Variants in RASA3 observed in about 807,000 individuals in gnomAD.
RASA3 encodes the protein RAS p21 protein activator 3.
In RASA3, 73 loss-of-function variants were observed where a neutral mutation model predicts 110.0. The ratio of observed to expected loss-of-function variants is 0.66; its 90% CI spans 0.55 to 0.81. The LOEUF (loss-of-function observed/expected upper bound fraction) is 0.81. Ranked by LOEUF, RASA3 falls within the 30% of genes least tolerant of loss-of-function variation. The pLI, the probability that RASA3 is intolerant of heterozygous loss-of-function variation, is 0.00. For missense variants in RASA3, 976 were observed against 1,113.2 expected (o/e 0.88, Z 1.75); for synonymous variants, 500 against 451.4 (o/e 1.11, Z -1.37).
intron 1 of RASA3, among the ~76,000 whole-genome samples, chr13:114,080,339 G>T (rs911495077): frequency 1.3e-5 from 2 of 152,152 alleles, no homozygotes; most frequent in African/African-American, 4.8e-5. Flanking sequence ...AAGGAGGAGA[G>T]GGCTGTGCGG....
At chr13:114,107,932 C>T (rs1307470088) in intron 1 of RASA3, among the ~76,000 whole-genome samples, 4 of 152,108 alleles carry the variant, frequency 2.6e-5, no homozygotes, top group East Asian at 1.9e-4. Context: ...CCACTCTCCA[C>T]GGCCGCCTCA....
chr13:114,109,008 G>C (rs1042101406), intron 1 of RASA3, among the ~76,000 whole-genome samples: 1 of 152,150 alleles, frequency 6.6e-6, no homozygotes, highest in African/African-American at 2.4e-5. Flanking sequence ...TCACAGCAAG[G>C]CCTCTCCACT....
intron 14 of RASA3, 90 bp from the exon 15 acceptor site, chr13:114,013,338 G>T: frequency 1.1e-6 from 1 of 871,302 alleles, no homozygotes; most frequent in Non-Finnish European, 1.8e-6. Flanking sequence ...GGTCCGCAGG[G>T]AAGTCCAGCC....
chr13:114,056,498 G>A lies in RASA3; in HGVS notation c.174-4343C>T, dbSNP rs1324122435. The A allele has an allele frequency of 1.0e-6, 1 of 985,220 alleles. No homozygotes were observed. The highest frequency in any genetic ancestry group is 1.1e-4 in the East Asian group (1 of 8,782). 61.0% of individuals were successfully genotyped at this position (985,220 alleles called of 1,614,324 possible). Reference sequence around the variant, plus strand: ...AGGGCTGAGAGTGCGGCGTCCCTGGGCGCTGCCCGGTAGCGGGGTGTTCAG... The same window carrying A: ...AGGGCTGAGAGTGCGGCGTCCCTGGACGCTGCCCGGTAGCGGGGTGTTCAG... On this transcript the variant is annotated intron_variant, in intron 2 of 23. Coordinates refer to ENST00000334062, the MANE Select transcript of RASA3 (RefSeq NM_007368.4). The surrounding 1 kb of genome is among the most constrained non-coding windows in gnomAD (Gnocchi z 5.7).
chr13:114,020,894 G>A (rs9590519), intron 9 of RASA3, among the ~76,000 whole-genome samples: 1,851 of 152,310 alleles, frequency 0.012, 37 homozygotes, highest in African/African-American at 0.043. Flanking sequence ...TGCTGTGTGC[G>A]CATTCTGGGC....
At chr13:114,072,316 C>T (rs1190195391) in intron 2 of RASA3, among the ~76,000 whole-genome samples, 1 of 152,196 alleles carries the variant, frequency 6.6e-6, no homozygotes, top group Non-Finnish European at 1.5e-5. Context: ...TGGTTGTGCT[C>T]TGGACATCCT....
chr13:114,124,964 C>G (rs1594483357), intron 1 of RASA3, among the ~76,000 whole-genome samples: 1 of 152,188 alleles, frequency 6.6e-6, no homozygotes, highest in East Asian at 1.9e-4. Context: ...ATTCCTGTCT[C>G]TCTTCCTACC....
chr13:114,002,447 A>G (rs2053427017), intron 18 of RASA3, among the ~76,000 whole-genome samples: 1 of 151,316 alleles, frequency 6.6e-6, no homozygotes, highest in Admixed American at 6.6e-5. Context: ...GTTGAGGACC[A>G]GCAGGACCCA....
Position 114,011,124 on chromosome 13 carries a change from A to G in RASA3, c.1590+47T>C, listed in dbSNP as rs2053629218. 9 of 1,496,916 alleles carry G rather than the reference A, an allele frequency of 6.0e-6. No homozygotes were observed. The South Asian group carries it at 9.3e-5, about 15-fold the overall frequency. The allele number at this position is 1,496,916 out of a possible 1,614,324, so 92.7% of individuals were successfully genotyped here. A position where few individuals can be genotyped will look rare whatever the true frequency, so the allele number is the denominator to read the frequency against. Reference sequence around the variant, plus strand: ...TCACGTGTATTTTCTGAAGAGAGAAAAGAATCAGTTGTCCCTAAAAAGAGA... The same window carrying G: ...TCACGTGTATTTTCTGAAGAGAGAAGAGAATCAGTTGTCCCTAAAAAGAGA... On this transcript the variant is annotated intron_variant, in intron 16 of 23. Transcript: ENST00000334062. This position sits in a 1 kb window ranked among gnomAD's most constrained non-coding sequence, Gnocchi z 4.8.
intron 2 of RASA3, among the ~76,000 whole-genome samples, chr13:114,053,613 C>T (rs1043886497): frequency 6.6e-5 from 10 of 152,376 alleles, no homozygotes; most frequent in African/African-American, 2.2e-4. Context: ...CAGCCACACA[C>T]AGAAATGAGC....
intron 1 of RASA3, among the ~76,000 whole-genome samples, chr13:114,093,114 TTG>T (rs1356751285): frequency 1.3e-5 from 2 of 152,258 alleles, no homozygotes; most frequent in African/African-American, 4.8e-5. Flanking sequence ...ATTTTATTAA[TTG>T]TGTCTTTCAT....
chr13:114,056,727 A>C lies in RASA3; in HGVS notation c.174-4572T>G. 1.4e-5 allele frequency: 13 copies of C among 928,344 alleles called. No individual in the cohort carries two copies. Among genetic ancestry groups the C allele is most frequent in the Non-Finnish European group, 1.5e-5 (12 of 777,804 alleles). 57.5% of individuals were successfully genotyped at this position (928,344 alleles called of 1,614,324 possible). A position where few individuals can be genotyped will look rare whatever the true frequency, so the allele number is the denominator to read the frequency against. ...GAAATCCATTCAATAAAAAGAGATA[A>C]AAATAGCAGAAAGAGGAAGCTACAA... is the stretch of plus-strand genomic sequence containing the variant. On this transcript the variant is annotated intron_variant, in intron 2 of 23. Coordinates refer to ENST00000334062, the MANE Select transcript of RASA3 (RefSeq NM_007368.4). The surrounding 1 kb of genome is among the most constrained non-coding windows in gnomAD (Gnocchi z 5.7).
At position 114,101,899 on chromosome 13, in the gene RASA3, G is replaced by A. The variant is rs74116476; in HGVS notation, c.56-28062C>T. Among the ~76,000 whole-genome samples, 622 of 152,274 alleles carry A rather than the reference G, an allele frequency of 4.1e-3. 6 individuals carry two copies. The highest frequency in any genetic ancestry group is 0.024 in the Middle Eastern group (7 of 294). On this transcript the variant is annotated intron_variant, in intron 1 of 23. Transcript: ENST00000334062. Reference sequence around the variant, plus strand: ...TCATTCACCCTGGACCACGGCACAAGGAAATCAACTCACCCTGGACCATGG... The same window carrying A: ...TCATTCACCCTGGACCACGGCACAAAGAAATCAACTCACCCTGGACCATGG...
intron 3 of RASA3, among the ~76,000 whole-genome samples, chr13:114,050,027 C>T (rs1482813018): frequency 3.3e-5 from 5 of 152,222 alleles, no homozygotes; most frequent in African/African-American, 1.2e-4. Context: ...GTGGGGTGCA[C>T]AGCGGCTGAG....
chr13:114,083,493 G>C (rs61973933), intron 1 of RASA3, among the ~76,000 whole-genome samples: 17 of 152,066 alleles, frequency 1.1e-4, no homozygotes, highest in South Asian at 8.3e-4. Flanking sequence ...ATGGCGTGCC[G>C]TGAAATCACA....
chr13:114,067,199 G>T (rs1447859362), intron 2 of RASA3, among the ~76,000 whole-genome samples: 1 of 148,088 alleles, frequency 6.8e-6, no homozygotes, highest in South Asian at 2.2e-4. Context: ...GGCTGAGGAC[G>T]GGCCCCCCAC....
chr13:114,011,792 C>T lies in RASA3; in HGVS notation c.1513-544G>A, dbSNP rs896057361. Reference sequence around the variant, plus strand: ...ACAAAATTAGCTGGGCGTGGTGGCGCACGTCTGTAATCCAAGCTACTAGGG... The same window carrying T: ...ACAAAATTAGCTGGGCGTGGTGGCGTACGTCTGTAATCCAAGCTACTAGGG... On this transcript the variant is annotated intron_variant, in intron 15 of 23. Transcript: ENST00000334062. This position sits in a 1 kb window ranked among gnomAD's most constrained non-coding sequence, Gnocchi z 4.8. Among the ~76,000 whole-genome samples, 1 of 152,024 alleles carries T rather than the reference C, an allele frequency of 6.6e-6. No homozygotes were observed. The highest frequency in any genetic ancestry group is 1.5e-5 in the Non-Finnish European group (1 of 67,996).
At chr13:114,108,182 C>T (rs377618732) in intron 1 of RASA3, among the ~76,000 whole-genome samples, 3 of 151,854 alleles carry the variant, frequency 2.0e-5, no homozygotes, top group Non-Finnish European at 4.4e-5. Flanking sequence ...ATCCCCTGTC[C>T]GTCACCCCGC....
intron 2 of RASA3, among the ~76,000 whole-genome samples, chr13:114,060,741 G>A (rs1252995730): frequency 5.9e-5 from 9 of 152,234 alleles, no homozygotes; most frequent in African/African-American, 2.4e-5. Flanking sequence ...CGCTGCGCTC[G>A]CCCGCGGTGG....
Sources: gnomAD v4.1 joint callset for allele counts (sites outside exome capture counted in the v4.1 genomes callset) on GRCh38, gnomAD v4.1.1 for gene constraint, Gnocchi (gnomAD v3.1) non-coding constraint, MANE v1.5 for transcripts, NCBI Gene and HGNC (gene_info 2026-07-23, HGNC 2026-07-21) for gene names.